The following GTF2F2 variants were observed in gnomAD, a reference collection of about 807,000 sequenced individuals.
GTF2F2 encodes the protein general transcription factor IIF subunit 2.
A neutral mutation model predicts 42.2 loss-of-function variants in GTF2F2; 23 were observed. The observed-to-expected ratio is 0.55, with a 90% confidence interval of 0.39 to 0.77. The LOEUF is 0.77. Ranked by LOEUF, GTF2F2 falls within the 30% of genes least tolerant of loss-of-function variation. The pLI is 0.00. For synonymous variants in GTF2F2, 105 were observed against 100.8 expected (o/e 1.04, Z -0.25); for missense variants, 261 against 287.2 (o/e 0.91, Z 0.66).
intron 5 of GTF2F2, among the ~76,000 whole-genome samples, chr13:45,224,627 A>G (rs1197671577): frequency 6.6e-6 from 1 of 152,252 alleles, no homozygotes; most frequent in African/African-American, 2.4e-5. Context: ...TTAATGTGAT[A>G]CACTTGTACC....
At position 45,186,599 on chromosome 13, in the gene GTF2F2, G is replaced by A. The variant is rs116675034; in HGVS notation, c.305-20825G>A. ...AGCCACCGCACCCAGCCGCCTGGCCGCCCAGCCTATTTTTAGTGTTTTAAA... is the reference window on the plus strand; with the variant it reads ...AGCCACCGCACCCAGCCGCCTGGCCACCCAGCCTATTTTTAGTGTTTTAAA... On this transcript the variant is annotated intron_variant, in intron 4 of 7. Coordinates refer to ENST00000340473, the MANE Select transcript of GTF2F2 (RefSeq NM_004128.3). Among the ~76,000 whole-genome samples, 422 of 152,056 alleles carry A rather than the reference G, an allele frequency of 2.8e-3. 4 individuals are homozygous for A. The highest frequency in any genetic ancestry group is 9.8e-3 in the African/African-American group (407 of 41,490).
intron 6 of GTF2F2, among the ~76,000 whole-genome samples, chr13:45,255,107 A>G (rs1441174055): frequency 6.9e-6 from 1 of 144,336 alleles, no homozygotes; most frequent in Non-Finnish European, 1.5e-5. Flanking sequence ...CAGAAGTTGC[A>G]GTGAGCCGAG....
intron 1 of GTF2F2, among the ~76,000 whole-genome samples, chr13:45,121,030 G>T (rs1868604055): frequency 1.3e-5 from 2 of 152,228 alleles, no homozygotes; most frequent in African/African-American, 4.8e-5. Context: ...CCAGACTGAA[G>T]AATTCCTTGT....
At chr13:45,265,906 C>G (rs149869847) in intron 6 of GTF2F2, among the ~76,000 whole-genome samples, 1 of 152,344 alleles carries the variant, frequency 6.6e-6, no homozygotes, top group East Asian at 1.9e-4. Flanking sequence ...ACCCAACCTA[C>G]TGATGCTTTC....
Position 45,184,624 on chromosome 13 carries a change from T to C in GTF2F2, c.305-22800T>C, listed in dbSNP as rs141900332. Among the ~76,000 whole-genome samples, 412 of 152,250 alleles carry C rather than the reference T, an allele frequency of 2.7e-3. 3 individuals are homozygous for C. Among genetic ancestry groups the C allele is most frequent in the Non-Finnish European group, 4.8e-3 (325 of 68,034 alleles). The stretch of plus-strand genomic sequence containing the variant: ...TGCCTTGAGCCAAAACACCACTGTT[T>C]GATGCATATTCATTTTTAAAAAGAT... On this transcript the variant is annotated intron_variant, in intron 4 of 7. Transcript: ENST00000340473.
intron 5 of GTF2F2, among the ~76,000 whole-genome samples, chr13:45,224,432 A>G (rs764472855): frequency 1.3e-5 from 2 of 152,220 alleles, no homozygotes; most frequent in Non-Finnish European, 2.9e-5. Flanking sequence ...TCAAGTGGTC[A>G]GAGCTGTCAT....
At chr13:45,265,035 C>T (rs933265359) in intron 6 of GTF2F2, among the ~76,000 whole-genome samples, 13 of 151,998 alleles carry the variant, frequency 8.6e-5, no homozygotes, top group African/African-American at 2.9e-4. Flanking sequence ...CCGAGGCGGG[C>T]GGATCACGAG....
At chr13:45,194,254 C>A in intron 4 of GTF2F2, 1 of 1,614,102 alleles carries the variant, frequency 6.2e-7, no homozygotes, top group Non-Finnish European at 8.5e-7. Flanking sequence ...TTGATTTTCT[C>A]GAAACCCTTC....
intron 5 of GTF2F2, among the ~76,000 whole-genome samples, chr13:45,218,511 A>G (rs1873979813): frequency 6.6e-6 from 1 of 152,234 alleles, no homozygotes; most frequent in Non-Finnish European, 1.5e-5. Context: ...ACTATAAAAC[A>G]GGCTGATCTA....
intron 4 of GTF2F2, among the ~76,000 whole-genome samples, chr13:45,182,583 C>T (rs1029364082): frequency 6.6e-6 from 1 of 152,078 alleles, no homozygotes; most frequent in Non-Finnish European, 1.5e-5. Flanking sequence ...TTTACTATAT[C>T]TCAAAAATCT....
intron 1 of GTF2F2, among the ~76,000 whole-genome samples, chr13:45,129,263 C>T (rs1008301542): frequency 6.6e-6 from 1 of 152,206 alleles, no homozygotes; most frequent in Non-Finnish European, 1.5e-5. Flanking sequence ...GGCTGGAGTG[C>T]AGTGGCACGA....
chr13:45,209,354 G>A (rs1225297452), intron 5 of GTF2F2, among the ~76,000 whole-genome samples: 2 of 152,186 alleles, frequency 1.3e-5, no homozygotes, highest in East Asian at 3.9e-4. Flanking sequence ...ACTCTATAAT[G>A]TTTGCACAAC....
At chr13:45,122,451 T>C (rs550438847) in intron 1 of GTF2F2, among the ~76,000 whole-genome samples, 1 of 150,418 alleles carries the variant, frequency 6.6e-6, no homozygotes, top group East Asian at 1.9e-4. Context: ...CTGGCCAATA[T>C]GGTGAAACCC....
chr13:45,265,849 A>T (rs911601782), intron 6 of GTF2F2, among the ~76,000 whole-genome samples: 1 of 152,218 alleles, frequency 6.6e-6, no homozygotes, highest in African/African-American at 2.4e-5. Context: ...TCCCCAGATT[A>T]TAATTATTCC....
At chr13:45,241,746 A>G (rs1044510199) in intron 5 of GTF2F2, among the ~76,000 whole-genome samples, 3 of 151,964 alleles carry the variant, frequency 2.0e-5, no homozygotes, top group Non-Finnish European at 4.4e-5. Flanking sequence ...TGATTTGAAA[A>G]CCAAATAACC....
intron 4 of GTF2F2, chr13:45,206,208 T>C (rs1271949953): frequency 6.6e-6 from 1 of 152,194 alleles, no homozygotes; most frequent in African/African-American, 2.4e-5. Context: ...GATACATTGA[T>C]TATATACGGT....
intron 6 of GTF2F2, among the ~76,000 whole-genome samples, chr13:45,260,171 G>A (rs79889878): frequency 6.6e-6 from 1 of 152,164 alleles, no homozygotes; most frequent in Admixed American, 6.5e-5. Flanking sequence ...TGTGGCAGCC[G>A]ACTGTGTTAG....
intron 5 of GTF2F2, among the ~76,000 whole-genome samples, chr13:45,233,190 A>G (rs941175242): frequency 7.2e-5 from 11 of 152,180 alleles, no homozygotes; most frequent in Non-Finnish European, 1.3e-4. Context: ...GTAATATGCT[A>G]TGATTGTGCC....
At chr13:45,247,659 G>A (rs1160165326) in intron 5 of GTF2F2, among the ~76,000 whole-genome samples, 1 of 152,014 alleles carries the variant, frequency 6.6e-6, no homozygotes, top group African/African-American at 2.4e-5. Flanking sequence ...AAAGTGCTAG[G>A]GTTACAGGCA....
Sources: allele counts gnomAD v4.1 joint callset (sites outside exome capture counted in the v4.1 genomes callset), GRCh38; gene constraint gnomAD v4.1.1; transcripts MANE v1.5; gene names NCBI Gene and HGNC (gene_info 2026-07-23, HGNC 2026-07-21).